HGF: variants seen among roughly 807,000 people sequenced by gnomAD.
The protein encoded by HGF is fibroblast-derived tumor cytotoxic factor.
HGF carries 39 observed loss-of-function variants against 111.6 expected under a neutral mutation model. The ratio of observed to expected loss-of-function variants is 0.35; its 90% CI spans 0.27 to 0.46. The LOEUF (loss-of-function observed/expected upper bound fraction) is 0.46. Among genes scored for constraint, HGF ranks in the 20% least tolerant of loss-of-function variants. HGF has a pLI of 1.00. For missense variants in HGF, 735 were observed against 910.5 expected (o/e 0.81, Z 2.48); for synonymous variants, 285 against 294.8 (o/e 0.97, Z 0.34).
At chr7:81,743,071 G>T (rs921931906) in intron 7 of HGF, 14 of 922,040 alleles carry the variant, frequency 1.5e-5, no homozygotes, top group African/African-American at 1.5e-4. Context: ...TCTCTCTGTG[G>T]TTTTTTAAAT....
rs137853235 is a variant in HGF at position 81,752,250 on chromosome 7, C to T, written c.495G>A (p.Ser165=). 3.1e-6 allele frequency: 5 copies of T among 1,613,164 alleles called. No individual in the cohort carries two copies. The highest frequency in any genetic ancestry group is 3.3e-5 in the Admixed American group (2 of 59,956). Residue 165 remains serine, a synonymous_variant, in exon 5 of 18, where the codon TCG becomes TCA. Coordinates refer to ENST00000222390, the MANE Select transcript of HGF (RefSeq NM_000601.6). The part of the protein sequence containing the change: ...MIPHEHSFLP[S]SYRGKDLQEN... ...CCTGTAGGTCTTTACCCCGATAGCT[C>T]GAAGGCAAAAAGCTAGTTTTAAAAT...
chr7:81,720,324 A>C (rs2115866356), intron 10 of HGF, among the ~76,000 whole-genome samples: 1 of 152,346 alleles, frequency 6.6e-6, no homozygotes, highest in South Asian at 2.1e-4. Flanking sequence ...ATAAACTATC[A>C]ATTATTAAAT....
intron 1 of HGF, among the ~76,000 whole-genome samples, chr7:81,767,602 G>A (rs1270719694): frequency 6.6e-6 from 1 of 152,142 alleles, no homozygotes; most frequent in Non-Finnish European, 1.5e-5. Context: ...ATGTAGGTGG[G>A]AGTGAATAGA....
At chr7:81,751,835 A>G in intron 5 of HGF, 4 of 1,242,474 alleles carry the variant, frequency 3.2e-6, no homozygotes, top group Non-Finnish European at 4.1e-6. Flanking sequence ...ATGTGAGCTC[A>G]AGACAGTAGG....
chr7:81,734,537 A>AT (rs1309666115), intron 7 of HGF, among the ~76,000 whole-genome samples: 3 of 152,000 alleles, frequency 2.0e-5, no homozygotes, highest in Non-Finnish European at 2.9e-5. Context: ...ATTTGAACAG[A>AT]TTTTTTTTGA....
chr7:81,705,667 T>C lies in HGF; in HGVS notation c.1844A>G (p.Tyr615Cys). The C allele has an allele frequency of 6.2e-7, 1 of 1,610,614 alleles. No individual in the cohort carries two copies. Among genetic ancestry groups the C allele is most frequent in the Non-Finnish European group, 8.5e-7 (1 of 1,177,184 alleles). ...TIPEKTSCSV[Y>C]GWGYTGLINY... is the part of the protein sequence containing the mutation. ...CTTACATCCAGTGTAGCCCCAGCCA[T>C]AAACACTGCAACTGGTCTTTTCAGG... Residue 615 changes from tyrosine to cysteine, a missense_variant, in exon 16 of 18, where the codon TAT (tyrosine) becomes TGT (cysteine). Tyr to Cys is a radical substitution (Grantham distance 194). Transcript: ENST00000222390.
In HGF at chr7:81,758,739, C is replaced by A; in HGVS notation, c.320G>T (p.Gly107Val). ...LWFPFNSMSS[G>V]VKKEFGHEFD... ...TTCATGGCCAAATTCTTTTTTCACT[C>A]CACTTGACATGCTATTGAAGGGGAA... The change falls in exon 3 of 18, where the codon GGA becomes GTA. Residue 107 changes from glycine (G) to valine (V), a missense_variant. Physicochemically the swap from Gly to Val is moderately radical, Grantham distance 109. Transcript: ENST00000222390. 1 of 1,613,038 alleles carries A rather than the reference C, an allele frequency of 6.2e-7. No homozygotes were observed. The highest frequency in any genetic ancestry group is 1.1e-5 in the South Asian group (1 of 91,048).
intron 9 of HGF, among the ~76,000 whole-genome samples, chr7:81,721,072 T>C (rs567539374): frequency 1.9e-4 from 29 of 152,150 alleles, no homozygotes; most frequent in East Asian, 9.7e-4. Flanking sequence ...GGTGAAACCC[T>C]GTCTCTACTT....
At chr7:81,768,885 G>C (rs183202832) in intron 1 of HGF, among the ~76,000 whole-genome samples, 43 of 152,174 alleles carry the variant, frequency 2.8e-4, no homozygotes, top group Middle Eastern at 6.8e-3. Flanking sequence ...GAAAATTCTT[G>C]AGTTTTTTAA....
Position 81,762,698 on chromosome 7 carries a change from G to A in HGF, c.254+9C>T. ...AAAATTATTCTAAGAAGAAAATGAA[G>A]TAACTTACTTGCAAGTGAATGGAAG... On this transcript the variant is annotated intron_variant, in intron 2 of 17. Coordinates refer to ENST00000222390, the MANE Select transcript of HGF (RefSeq NM_000601.6). 1 of 1,593,072 alleles carries A rather than the reference G, an allele frequency of 6.3e-7. No homozygotes were observed. The highest frequency in any genetic ancestry group is 8.6e-7 in the Non-Finnish European group (1 of 1,161,096).
At position 81,705,502 on chromosome 7, in the gene HGF, T is replaced by G. The variant is rs746110664; in HGVS notation, c.1898A>C (p.His633Pro). The change falls in exon 17 of 18, where the codon CAT becomes CCT. Residue 633 changes from histidine (H) to proline (P), a missense_variant. By Grantham distance (77) the His-to-Pro change is moderately conservative (BLOSUM62 -2). Around this residue, in one of 3 missense-constraint regions of HGF, gnomAD observed 130 missense variants for 129.9 expected, o/e 1.00. Coordinates refer to ENST00000222390, the MANE Select transcript of HGF (RefSeq NM_000601.6). ...INYDGLLRVA[H>P]LYIMGNEKCS... ...TTTCTCATTTCCCATTATATAGAGATGTGCCACTCGTAATAGGCCATCATA... is the reference window on the plus strand; with the variant it reads ...TTTCTCATTTCCCATTATATAGAGAGGTGCCACTCGTAATAGGCCATCATA... 1 of 1,612,722 alleles carries G rather than the reference T, an allele frequency of 6.2e-7. No homozygotes were observed. Among genetic ancestry groups the G allele is most frequent in the Non-Finnish European group, 8.5e-7 (1 of 1,179,110 alleles).
At chr7:81,712,676 G>A (rs1048113485) in intron 11 of HGF, among the ~76,000 whole-genome samples, 11 of 152,240 alleles carry the variant, frequency 7.2e-5, no homozygotes, top group Middle Eastern at 6.8e-3. Flanking sequence ...ATTCAGAATT[G>A]ATGGCATAGA....
intron 2 of HGF, among the ~76,000 whole-genome samples, chr7:81,762,339 T>C (rs552747603): frequency 6.6e-6 from 1 of 152,360 alleles, no homozygotes; most frequent in Non-Finnish European, 1.5e-5. Flanking sequence ...GCCCAAATTC[T>C]GTTCTAAAAA....
intron 1 of HGF, among the ~76,000 whole-genome samples, chr7:81,763,432 T>C (rs1297488426): frequency 6.6e-6 from 1 of 152,166 alleles, no homozygotes; most frequent in Non-Finnish European, 1.5e-5. Flanking sequence ...TTTTCTGTGC[T>C]TTTGGACACT....
chr7:81,752,076 A>G (rs759177221), intron 5 of HGF, 44 bp downstream of exon 5: 1 of 1,612,388 alleles, frequency 6.2e-7, no homozygotes, highest in Admixed American at 1.7e-5. Context: ...AGTTCTACAC[A>G]TAGGGGGAAT....
intron 5 of HGF, among the ~76,000 whole-genome samples, chr7:81,747,256 G>A (rs1788300703): frequency 6.6e-6 from 1 of 152,046 alleles, no homozygotes; most frequent in Non-Finnish European, 1.5e-5. Context: ...GGAGAATGGC[G>A]TGAACCCGGG....
chr7:81,752,828 G>A (rs1788570010), intron 4 of HGF, among the ~76,000 whole-genome samples: 2 of 152,082 alleles, frequency 1.3e-5, no homozygotes, highest in Non-Finnish European at 2.9e-5. Flanking sequence ...ACCCCAGTAA[G>A]TAATTTAGCT....
At chr7:81,715,619 T>C (rs1269954641) in intron 11 of HGF, among the ~76,000 whole-genome samples, 1 of 152,142 alleles carries the variant, frequency 6.6e-6, no homozygotes, top group Non-Finnish European at 1.5e-5. Flanking sequence ...GCTCCAAGTC[T>C]TAATTATAGG....
At chr7:81,742,740 C>T (rs1463207060) in intron 7 of HGF, 20 of 1,472,290 alleles carry the variant, frequency 1.4e-5, no homozygotes, top group Middle Eastern at 4.9e-4. Context: ...TAGGTAAGGG[C>T]CAGCATGTAG....
Sources: gnomAD v4.1 joint callset for allele counts (sites outside exome capture counted in the v4.1 genomes callset) on GRCh38, gnomAD v4.1.1 for gene constraint, gnomAD v4.1.1 regional missense constraint, MANE v1.5 for transcripts, NCBI Gene and HGNC (gene_info 2026-07-23, HGNC 2026-07-21) for gene names.